The following MYOF variants were observed in gnomAD, a reference collection of about 807,000 sequenced individuals.
MYOF encodes the protein myoferlin, also known as fer-1-like 3, myoferlin.
A neutral mutation model predicts 284.2 loss-of-function variants in MYOF; 244 were observed. The observed-to-expected ratio is 0.86, with a 90% confidence interval of 0.77 to 0.95. The LOEUF is 0.95. MYOF is among the 40% of genes least tolerant of loss of function. MYOF has a pLI of 0.00. For missense variants in MYOF, 2,496 were observed against 2,560.6 expected (o/e 0.97, Z 0.54); for synonymous variants, 904 against 919.7 (o/e 0.98, Z 0.31).
chr10:93,350,711 A>G (rs1844468644), intron 35 of MYOF, among the ~76,000 whole-genome samples: 1 of 152,128 alleles, frequency 6.6e-6, no homozygotes, highest in East Asian at 1.9e-4. Context: ...GAGAAGGGAA[A>G]TCTTGGGGTG....
At position 93,435,906 on chromosome 10, in the gene MYOF, A is replaced by AAATAAT. The variant is rs35316662; in HGVS notation, c.237-4396_237-4391dup. Among the ~76,000 whole-genome samples the AAATAAT allele has an allele frequency of 4.6e-3, 685 of 149,114 alleles. 4 individuals carry two copies. The highest frequency in any genetic ancestry group is 0.017 in the Middle Eastern group (5 of 286). The stretch of plus-strand genomic sequence containing the variant: ...GCAACAGAGCAAGACCTTGTCTCAA[A>AAATAAT]AATAATAATAATAATAATAAATTAT... On this transcript the variant is annotated intron_variant, in intron 3 of 53. Transcript: ENST00000359263.
intron 36 of MYOF, among the ~76,000 whole-genome samples, chr10:93,349,260 A>T (rs1325193882): frequency 6.6e-6 from 1 of 152,182 alleles, no homozygotes; most frequent in African/African-American, 2.4e-5. Context: ...TGTGAACTGG[A>T]TCTGATGCTC....
intron 17 of MYOF, among the ~76,000 whole-genome samples, chr10:93,392,066 T>C (rs1846719090): frequency 6.6e-6 from 1 of 152,250 alleles, no homozygotes; most frequent in East Asian, 1.9e-4. Flanking sequence ...ATAAAGTGCT[T>C]GCACATCTGC....
intron 41 of MYOF, 69 bp downstream of exon 41, chr10:93,335,852 T>C (rs1428002048): frequency 6.5e-7 from 1 of 1,547,718 alleles, no homozygotes; most frequent in Admixed American, 1.9e-5. Context: ...AGCCTGGTTG[T>C]CCTTTATTCT....
chr10:93,310,199 A>C, intron 52 of MYOF, 32 bp from the exon 53 acceptor site: 1 of 1,607,652 alleles, frequency 6.2e-7, no homozygotes, highest in Non-Finnish European at 8.5e-7. Flanking sequence ...TCACCTACCC[A>C]ACTCAGGAGG....
intron 1 of MYOF, among the ~76,000 whole-genome samples, chr10:93,473,968 G>A (rs556205336): frequency 5.3e-4 from 81 of 152,272 alleles, no homozygotes; most frequent in Non-Finnish European, 1.0e-3. Context: ...CTGGCCTCTT[G>A]CTGAGCTACC....
At chr10:93,308,119 T>C (rs1157959156) in intron 53 of MYOF, among the ~76,000 whole-genome samples, 2 of 149,378 alleles carry the variant, frequency 1.3e-5, no homozygotes, top group African/African-American at 4.9e-5. Flanking sequence ...GGTGGGTGCC[T>C]GTAATCCCAG....
chr10:93,477,847 A>T (rs1329736516), intron 1 of MYOF, among the ~76,000 whole-genome samples: 1 of 152,202 alleles, frequency 6.6e-6, no homozygotes, highest in Non-Finnish European at 1.5e-5. Context: ...ACTCCATCTA[A>T]AAAATAAATA....
intron 29 of MYOF, among the ~76,000 whole-genome samples, chr10:93,359,491 T>C (rs787633): frequency 0.72 from 109,425 of 152,128 alleles, 39,657 homozygotes; most frequent in East Asian, 0.98. Flanking sequence ...GACCTATTAC[T>C]ACTACTAGAT....
intron 3 of MYOF, among the ~76,000 whole-genome samples, chr10:93,449,018 G>A (rs2134291805): frequency 6.6e-6 from 1 of 152,178 alleles, no homozygotes; most frequent in South Asian, 2.1e-4. Context: ...GAGGGATAGG[G>A]TGCAGAGAGG....
chr10:93,351,817 G>T lies in MYOF; in HGVS notation c.3511C>A (p.Arg1171=). The T allele has an allele frequency of 6.3e-7, 1 of 1,586,874 alleles. No homozygotes were observed. Residue 1171 remains arginine, a synonymous_variant, in exon 33 of 54, where the codon CGG becomes AGG. Transcript: ENST00000359263. ...DPYAHICFLH[R]SKTTEIIHST... is the part of the protein sequence containing the mutation. ...TGGATGATCTCAGTGGTTTTGCTCC[G>T]ATGGAGGAAACAGATATGAGCATAT...
chr10:93,315,759 G>A (rs952605109), intron 50 of MYOF, among the ~76,000 whole-genome samples: 1 of 152,066 alleles, frequency 6.6e-6, no homozygotes, highest in African/African-American at 2.4e-5. Flanking sequence ...GTGAGAGTGG[G>A]TAAATCCTTG....
At chr10:93,381,972 G>A (rs1355358129) in intron 19 of MYOF, among the ~76,000 whole-genome samples, 1 of 152,166 alleles carries the variant, frequency 6.6e-6, no homozygotes, top group African/African-American at 2.4e-5. Context: ...AGGAGGTAGA[G>A]GTTGCAGTGA....
Position 93,409,665 on chromosome 10 carries a change from C to T in MYOF, c.508G>A (p.Val170Ile). The T allele has an allele frequency of 1.2e-6, 2 of 1,614,268 alleles. No individual in the cohort carries two copies. The highest frequency in any genetic ancestry group is 1.7e-6 in the Non-Finnish European group (2 of 1,180,048). The change falls in exon 6 of 54, where the codon GTT (valine) becomes ATT (isoleucine). Residue 170 changes from valine to isoleucine, a missense_variant. Physicochemically the swap from Val to Ile is conservative, Grantham distance 29 (BLOSUM62 3). Transcript: ENST00000359263. ...AVRGPGPKGP[V>I]GTVSEAQLAR... ...AGCTGAGCTTCCGACACCGTCCCAA[C>T]TGGCCCCTTGGGCCCAGGGCCCCTG...
chr10:93,405,174 C>A (rs941201313), intron 7 of MYOF, among the ~76,000 whole-genome samples: 5 of 152,280 alleles, frequency 3.3e-5, no homozygotes, highest in African/African-American at 1.2e-4. Flanking sequence ...TGACACTTCA[C>A]CCCTTCAAAA....
chr10:93,397,895 A>G (rs907429753), intron 13 of MYOF, among the ~76,000 whole-genome samples: 1 of 152,036 alleles, frequency 6.6e-6, no homozygotes, highest in Non-Finnish European at 1.5e-5. Context: ...GCTCAGAACC[A>G]GAATCAGCCA....
chr10:93,467,777 T>C (rs2057046630), intron 1 of MYOF, among the ~76,000 whole-genome samples: 1 of 152,194 alleles, frequency 6.6e-6, no homozygotes, highest in South Asian at 2.1e-4. Context: ...ATATATGCCA[T>C]GGAATACTAT....
intron 2 of MYOF, among the ~76,000 whole-genome samples, chr10:93,456,000 A>C (rs1342210823): frequency 3.9e-5 from 6 of 152,226 alleles, no homozygotes; most frequent in Non-Finnish European, 8.8e-5. Context: ...ACACTGAACC[A>C]CTTCTAAAAT....
intron 12 of MYOF, among the ~76,000 whole-genome samples, chr10:93,400,415 C>A (rs1847223769): frequency 6.6e-6 from 1 of 150,434 alleles, no homozygotes; most frequent in Non-Finnish European, 1.5e-5. Context: ...GTGCTCCTAC[C>A]TTGGCCTTCC....
Sources: gnomAD v4.1 joint callset for allele counts (sites outside exome capture counted in the v4.1 genomes callset) on GRCh38, gnomAD v4.1.1 for gene constraint, MANE v1.5 for transcripts, NCBI Gene and HGNC (gene_info 2026-07-23, HGNC 2026-07-21) for gene names.